The following SULF2 variants were observed in gnomAD, a reference collection of about 807,000 sequenced individuals.
SULF2 encodes the protein sulfatase 2, also known as extracellular sulfatase Sulf-2.
In SULF2, 52 loss-of-function variants were observed where a neutral mutation model predicts 107.7. The ratio of observed to expected loss-of-function variants is 0.48; its 90% CI spans 0.39 to 0.61. The LOEUF is 0.61. SULF2 is among the 20% of genes least tolerant of loss of function. The probability of loss-of-function intolerance (pLI) is 0.00; values close to 1 mark genes in which losing one functional copy is unlikely to be tolerated. For synonymous variants in SULF2, 460 were observed against 464.3 expected (o/e 0.99, Z 0.12); for missense variants, 993 against 1,177.3 (o/e 0.84, Z 2.29).
intron 18 of SULF2, chr20:47,661,473 G>A (rs770184552): frequency 7.0e-5 from 16 of 228,072 alleles, no homozygotes; most frequent in Non-Finnish European, 1.3e-4. Flanking sequence ...ATGGTTTCAG[G>A]TGTAAGTTCT....
chr20:47,686,879 C>G (rs80188964), intron 5 of SULF2, among the ~76,000 whole-genome samples: 1,825 of 152,262 alleles, frequency 0.012, 17 homozygotes, highest in Non-Finnish European at 0.021. Flanking sequence ...TACAGAACGG[C>G]CAGGCTCTCC....
chr20:47,661,958 T>G, intron 17 of SULF2, 62 bp from the exon 18 acceptor site: 1 of 1,398,272 alleles, frequency 7.2e-7, no homozygotes. Context: ...CCTGCCCTTC[T>G]ACCAACCAGG....
At chr20:47,682,353 T>G (rs985397705) in intron 7 of SULF2, among the ~76,000 whole-genome samples, 1 of 152,202 alleles carries the variant, frequency 6.6e-6, no homozygotes, top group Non-Finnish European at 1.5e-5. Context: ...ACACATCTGC[T>G]TTTCAAAAAC....
At chr20:47,688,124 A>G (rs1602648558) in intron 5 of SULF2, among the ~76,000 whole-genome samples, 1 of 152,088 alleles carries the variant, frequency 6.6e-6, no homozygotes. Context: ...CTGCCCCAGG[A>G]AAGGGCATGT....
At chr20:47,731,111 C>T (rs2089589228) in intron 3 of SULF2, among the ~76,000 whole-genome samples, 2 of 151,782 alleles carry the variant, frequency 1.3e-5, no homozygotes, top group Non-Finnish European at 2.9e-5. Context: ...ATGTCCAGAC[C>T]TCCAGCCTCG....
intron 2 of SULF2, among the ~76,000 whole-genome samples, chr20:47,743,764 A>G (rs549690846): frequency 6.6e-6 from 1 of 151,522 alleles, no homozygotes; most frequent in East Asian, 1.9e-4. Flanking sequence ...CCCAACTACA[A>G]CTCCTACTGT....
chr20:47,758,275 T>A (rs959096115), intron 1 of SULF2, among the ~76,000 whole-genome samples: 1 of 151,112 alleles, frequency 6.6e-6, no homozygotes, highest in Non-Finnish European at 1.5e-5. Context: ...GTTCAAGCGA[T>A]TCTCCTGCCT....
intron 2 of SULF2, among the ~76,000 whole-genome samples, chr20:47,752,578 A>C (rs867373792): frequency 6.6e-6 from 1 of 151,728 alleles, no homozygotes; most frequent in Non-Finnish European, 1.5e-5. Context: ...AAAAAAAAAA[A>C]AAAAACCCCA....
At chr20:47,679,680 C>T (rs1485440881) in intron 7 of SULF2, among the ~76,000 whole-genome samples, 6 of 152,194 alleles carry the variant, frequency 3.9e-5, no homozygotes, top group Admixed American at 3.9e-4. Flanking sequence ...GATGAGACCA[C>T]AGCCCTGGCC....
chr20:47,750,672 C>T (rs979622079), intron 2 of SULF2, among the ~76,000 whole-genome samples: 7 of 152,250 alleles, frequency 4.6e-5, no homozygotes, highest in Non-Finnish European at 8.8e-5. Flanking sequence ...GTCCATCTCA[C>T]TCAGAAAGCC....
intron 2 of SULF2, among the ~76,000 whole-genome samples, chr20:47,753,225 G>C (rs1003609872): frequency 6.6e-6 from 1 of 152,150 alleles, no homozygotes; most frequent in African/African-American, 2.4e-5. Flanking sequence ...TGCCTGGTGT[G>C]AACACTCAGG....
rs182256333 is a variant in SULF2 at position 47,736,977 on chromosome 20, G to A, written c.176-35C>T. The A allele has an allele frequency of 2.1e-5, 34 of 1,611,468 alleles. No homozygotes were observed. The East Asian group carries it at 7.4e-4, about 35-fold the overall frequency. ...AAGGGTGGAAGTAAGGCGCAGGGCA[G>A]GAGACCCGGGCGGCACCGGCACCAG... is the stretch of plus-strand genomic sequence containing the variant. On this transcript the variant is annotated intron_variant, in intron 2 of 20. Coordinates refer to ENST00000688720, the MANE Select transcript of SULF2 (RefSeq NM_001387048.1).
chr20:47,758,428 C>A (rs1299278325), intron 1 of SULF2, among the ~76,000 whole-genome samples: 1 of 152,124 alleles, frequency 6.6e-6, no homozygotes, highest in East Asian at 1.9e-4. Context: ...GCCCTGGCCT[C>A]CCAAAGTGCT....
chr20:47,754,719 A>G (rs1304341680), intron 2 of SULF2, among the ~76,000 whole-genome samples: 1 of 152,258 alleles, frequency 6.6e-6, no homozygotes, highest in Non-Finnish European at 1.5e-5. Context: ...CAATATCCGT[A>G]ACAGTGAAAA....
intron 3 of SULF2, among the ~76,000 whole-genome samples, chr20:47,731,283 C>T (rs1276712400): frequency 4.0e-5 from 6 of 149,982 alleles, no homozygotes; most frequent in Non-Finnish European, 8.9e-5. Context: ...ACCTCCGCCT[C>T]CCAGGTTCAA....
Position 47,666,627 on chromosome 20 carries a change from G to A in SULF2, c.1577-139C>T. The A allele has an allele frequency of 1.5e-6, 1 of 682,104 alleles. No individual in the cohort carries two copies. Among genetic ancestry groups the A allele is most frequent in the Non-Finnish European group, 2.5e-6 (1 of 405,410 alleles). The allele number at this position is 682,104 out of a possible 1,614,324, so 42.3% of individuals were successfully genotyped here. A position where few individuals can be genotyped will look rare whatever the true frequency, so the allele number is the denominator to read the frequency against. ...TTTGCCTGCGACTCGAGGGGTCGTG[G>A]AATCTACCCGCCTGCTCGCAGATCC... On this transcript the variant is annotated intron_variant, in intron 11 of 20. Coordinates refer to ENST00000688720, the MANE Select transcript of SULF2 (RefSeq NM_001387048.1). This position sits in a 1 kb window ranked among gnomAD's most constrained non-coding sequence, Gnocchi z 5.4.
chr20:47,703,832 G>A (rs532839515), intron 3 of SULF2, among the ~76,000 whole-genome samples: 1 of 152,322 alleles, frequency 6.6e-6, no homozygotes, highest in East Asian at 1.9e-4. Context: ...AAACTTGAAC[G>A]AAAGACCTAG....
At chr20:47,675,343 C>A (rs1022948847) in intron 10 of SULF2, among the ~76,000 whole-genome samples, 5 of 152,170 alleles carry the variant, frequency 3.3e-5, no homozygotes, top group Non-Finnish European at 5.9e-5. Flanking sequence ...TAGGACAGTG[C>A]CTGGCAAGCG....
intron 2 of SULF2, among the ~76,000 whole-genome samples, chr20:47,755,753 T>A (rs1243430510): frequency 6.6e-6 from 1 of 152,066 alleles, no homozygotes; most frequent in Non-Finnish European, 1.5e-5. Context: ...GTCACGGCCT[T>A]CCTCTTCTTA....
Sources: allele counts gnomAD v4.1 joint callset (sites outside exome capture counted in the v4.1 genomes callset), GRCh38; gene constraint gnomAD v4.1.1; non-coding constraint Gnocchi (gnomAD v3.1); transcripts MANE v1.5; gene names NCBI Gene and HGNC (gene_info 2026-07-23, HGNC 2026-07-21).